Variants in STXBP5 observed in about 807,000 individuals in gnomAD.
The protein encoded by STXBP5 is syntaxin-binding protein 5.
Under a neutral mutation model 152.4 loss-of-function variants are expected in STXBP5, and 50 were observed. The ratio of observed to expected loss-of-function variants is 0.33; its 90% CI spans 0.26 to 0.42. The LOEUF is 0.42. Among genes scored for constraint, STXBP5 ranks in the 10% least tolerant of loss-of-function variants. The pLI, the probability that STXBP5 is intolerant of heterozygous loss-of-function variation, is 1.00. For synonymous variants in STXBP5, 492 were observed against 494.7 expected (o/e 0.99, Z 0.07); for missense variants, 1,167 against 1,388.6 (o/e 0.84, Z 2.54).
intron 9 of STXBP5, among the ~76,000 whole-genome samples, chr6:147,296,269 A>G (rs2128357099): frequency 6.6e-6 from 1 of 152,064 alleles, no homozygotes; most frequent in South Asian, 2.1e-4. Context: ...TTCACCCCCC[A>G]AGTCAACCTG....
chr6:147,233,612 G>A lies in STXBP5; in HGVS notation c.249-1638G>A, dbSNP rs140583196. On this transcript the variant is annotated intron_variant, in intron 2 of 27. Coordinates refer to ENST00000321680, the MANE Select transcript of STXBP5 (RefSeq NM_001127715.4). ...GGAATTATAAAATATGCTGATTGGT[G>A]CCAGAAAGAATAATTTAGCTGAAGC... Among the ~76,000 whole-genome samples the A allele has an allele frequency of 1.4e-3, 220 of 151,790 alleles. 1 individual carries two copies. Among genetic ancestry groups the A allele is most frequent in the Non-Finnish European group, 2.0e-3 (134 of 67,672 alleles).
At chr6:147,258,852 T>G (rs576475827) in intron 4 of STXBP5, among the ~76,000 whole-genome samples, 6 of 152,210 alleles carry the variant, frequency 3.9e-5, no homozygotes, top group African/African-American at 1.2e-4. Context: ...AAACCCTCCA[T>G]AAGGTAAGGA....
intron 13 of STXBP5, 69 bp downstream of exon 13, chr6:147,314,400 A>ATG (rs1782538110): frequency 1.4e-6 from 2 of 1,439,894 alleles, no homozygotes; most frequent in Non-Finnish European, 2.0e-6. Flanking sequence ...GACTACATGA[A>ATG]TGTTAACTTA....
intron 17 of STXBP5, among the ~76,000 whole-genome samples, chr6:147,325,557 T>A (rs1783207454): frequency 6.6e-6 from 1 of 152,360 alleles, no homozygotes; most frequent in African/African-American, 2.4e-5. Context: ...TACTGTAGTA[T>A]ACTGTTTTAT....
chr6:147,242,359 A>G (rs1402049840), intron 4 of STXBP5, among the ~76,000 whole-genome samples: 2 of 152,122 alleles, frequency 1.3e-5, no homozygotes, highest in Admixed American at 1.3e-4. Context: ...ACAGTAAGCT[A>G]AGGTTAATTT....
chr6:147,218,365 A>T (rs1777285283), intron 2 of STXBP5, among the ~76,000 whole-genome samples: 1 of 152,010 alleles, frequency 6.6e-6, no homozygotes, highest in East Asian at 1.9e-4. Flanking sequence ...TTAGATTTAT[A>T]TTTAAGTATT....
intron 9 of STXBP5, among the ~76,000 whole-genome samples, chr6:147,298,172 C>T (rs999080170): frequency 1.3e-5 from 2 of 151,790 alleles, no homozygotes; most frequent in Admixed American, 6.6e-5. Context: ...TCATGCAAAC[C>T]GAAACCAAAA....
intron 21 of STXBP5, among the ~76,000 whole-genome samples, chr6:147,351,344 T>G (rs547977098): frequency 8.5e-5 from 13 of 152,220 alleles, no homozygotes; most frequent in Non-Finnish European, 1.6e-4. Context: ...GGCATCCATA[T>G]CATATGATTT....
At chr6:147,213,957 A>G (rs1262982981) in intron 2 of STXBP5, among the ~76,000 whole-genome samples, 2 of 152,204 alleles carry the variant, frequency 1.3e-5, no homozygotes, top group Non-Finnish European at 2.9e-5. Context: ...GTGATTACTG[A>G]CATGATTTTT....
In STXBP5 at chr6:147,204,778, G is replaced by A; in HGVS notation, c.150+96G>A. 8.0e-7 allele frequency: 1 copy of A among 1,242,384 alleles called. No individual in the cohort carries two copies. The highest frequency in any genetic ancestry group is 1.1e-6 in the Non-Finnish European group (1 of 926,114). 77.0% of individuals were successfully genotyped at this position (1,242,384 alleles called of 1,614,324 possible). ...CTTTACATGGGAATGCAAGGGAAGA[G>A]AACGCCAATAATAATAATAATAACT... On this transcript the variant is annotated intron_variant, in intron 1 of 27. Coordinates refer to ENST00000321680, the MANE Select transcript of STXBP5 (RefSeq NM_001127715.4). The surrounding 1 kb of genome is among the most constrained non-coding windows in gnomAD (Gnocchi z 4.3).
rs570287923 is a variant in STXBP5, at chr6:147,378,180, T to C, written c.3193+4338T>C. 7.2e-4 allele frequency among the ~76,000 whole-genome samples: 109 copies of C among 152,084 alleles called. 2 individuals are homozygous for C. Among genetic ancestry groups the C allele is most frequent in the African/African-American group, 2.6e-3 (107 of 41,498 alleles). ...AAAATAATTCAACTCTCACACAAAC[T>C]CTTCCAAAAGATAGGAAACAATAGG... On this transcript the variant is annotated intron_variant, in intron 26 of 27. Coordinates refer to ENST00000321680, the MANE Select transcript of STXBP5 (RefSeq NM_001127715.4).
At chr6:147,346,262 A>G (rs561748642) in intron 21 of STXBP5, among the ~76,000 whole-genome samples, 8 of 152,286 alleles carry the variant, frequency 5.3e-5, no homozygotes, top group African/African-American at 1.9e-4. Flanking sequence ...ACATCATAAA[A>G]TTGTTGGACA....
chr6:147,278,035 A>T, intron 7 of STXBP5, 46 bp from the exon 8 acceptor site: 1 of 1,503,790 alleles, frequency 6.6e-7, no homozygotes, highest in Non-Finnish European at 9.1e-7. Flanking sequence ...CAAATAGTTT[A>T]CTGTTTAAAT....
chr6:147,358,918 T>A (rs181249453), intron 22 of STXBP5, among the ~76,000 whole-genome samples, 166 bp from the exon 23 acceptor site: 1 of 152,198 alleles, frequency 6.6e-6, no homozygotes, highest in African/African-American at 2.4e-5. Flanking sequence ...CTTGTGTAGT[T>A]CAAACCCATG....
At chr6:147,247,902 G>T (rs1211125509) in intron 4 of STXBP5, among the ~76,000 whole-genome samples, 1 of 152,096 alleles carries the variant, frequency 6.6e-6, no homozygotes, top group East Asian at 1.9e-4. Flanking sequence ...TGTGTTAAAG[G>T]TATAAAAAGA....
At chr6:147,269,496 A>C (rs1042045465) in intron 7 of STXBP5, among the ~76,000 whole-genome samples, 17 of 152,230 alleles carry the variant, frequency 1.1e-4, no homozygotes, top group African/African-American at 4.1e-4. Context: ...GTATGCAAAA[A>C]GCCAGGATAT....
intron 21 of STXBP5, among the ~76,000 whole-genome samples, chr6:147,341,409 C>G (rs772922010): frequency 1.6e-3 from 248 of 152,268 alleles, no homozygotes; most frequent in South Asian, 4.3e-3. Context: ...CTCACCGTAT[C>G]ATCCGATCTG....
At chr6:147,351,775 A>T in intron 21 of STXBP5, 1 of 862,718 alleles carries the variant, frequency 1.2e-6, no homozygotes, top group Non-Finnish European at 1.4e-6. Flanking sequence ...TCCAACCCCC[A>T]TTCCTTCCCA....
intron 2 of STXBP5, among the ~76,000 whole-genome samples, chr6:147,229,829 T>C (rs1424000527): frequency 2.0e-5 from 3 of 152,044 alleles, no homozygotes; most frequent in Admixed American, 1.3e-4. Context: ...ACTTTTTTTC[T>C]TTCTATTCTG....
Sources: allele counts gnomAD v4.1 joint callset (sites outside exome capture counted in the v4.1 genomes callset), GRCh38; gene constraint gnomAD v4.1.1; non-coding constraint Gnocchi (gnomAD v3.1); transcripts MANE v1.5; gene names NCBI Gene and HGNC (gene_info 2026-07-23, HGNC 2026-07-21).